DPYD: variants seen among roughly 807,000 people sequenced by gnomAD.
DPYD encodes dihydropyrimidine dehydrogenase, also known as dihydropyrimidine dehydrogenase [NADP(+)].
Under a neutral mutation model 116.2 loss-of-function variants are expected in DPYD, and 109 were observed. The observed-to-expected ratio is 0.94, with a 90% CI of 0.80 to 1.10. DPYD has a LOEUF of 1.10. Ranked by LOEUF, DPYD falls within the 50% of genes least tolerant of loss-of-function variation. The pLI is 0.00. For synonymous variants in DPYD, 440 were observed against 432.0 expected, an observed-to-expected ratio of 1.02 and a Z score of -0.23; for missense variants, 1,302 against 1,254.5, an observed-to-expected ratio of 1.04 and a Z score of -0.57.
At chr1:97,777,469 T>C (rs1169222360) in intron 3 of DPYD, among the ~76,000 whole-genome samples, 1 of 152,190 alleles carries the variant, frequency 6.6e-6, no homozygotes, top group Non-Finnish European at 1.5e-5. Flanking sequence ...TGGATAAAAG[T>C]GCCAGAAGGG....
intron 3 of DPYD, among the ~76,000 whole-genome samples, chr1:97,743,017 T>C (rs550258872): frequency 3.3e-5 from 5 of 152,104 alleles, no homozygotes; most frequent in Non-Finnish European, 5.9e-5. Context: ...TCAGCAGATA[T>C]AAGGGAACCA....
chr1:97,645,733 G>A (rs943376571), intron 8 of DPYD, among the ~76,000 whole-genome samples: 5 of 151,898 alleles, frequency 3.3e-5, no homozygotes, highest in African/African-American at 1.2e-4. Context: ...ATGGGTTACT[G>A]TTTGCATATA....
chr1:97,139,166 C>T (rs945258087), intron 20 of DPYD, among the ~76,000 whole-genome samples: 1 of 152,092 alleles, frequency 6.6e-6, no homozygotes, highest in Non-Finnish European at 1.5e-5. Context: ...TTCTACAATT[C>T]TGTTGATCCT....
chr1:97,883,140 T>A lies in DPYD; in HGVS notation c.150+124A>T. 4.7e-6 allele frequency: 3 copies of A among 640,552 alleles called. No individual in the cohort carries two copies. In the East Asian group the frequency reaches 8.6e-5, roughly 18 times the overall value. The allele number at this position is 640,552 out of a possible 1,614,324, so 39.7% of individuals were successfully genotyped here. On this transcript the variant is annotated intron_variant, in intron 2 of 22. Coordinates refer to ENST00000370192, the MANE Select transcript of DPYD (RefSeq NM_000110.4). The stretch of plus-strand genomic sequence containing the variant: ...CAAACTTTTTCAAATATTAAATATT[T>A]AAAATATTTTTAAAATCACGGCTGT...
chr1:97,167,314 T>C (rs940434819), intron 20 of DPYD, among the ~76,000 whole-genome samples: 1 of 152,154 alleles, frequency 6.6e-6, no homozygotes, highest in Non-Finnish European at 1.5e-5. Context: ...ATTTAAAAAT[T>C]AAAGCACATA....
At chr1:97,136,033 A>G (rs904469877) in intron 20 of DPYD, among the ~76,000 whole-genome samples, 1 of 152,176 alleles carries the variant, frequency 6.6e-6, no homozygotes, top group African/African-American at 2.4e-5. Context: ...AGGCCCGAGG[A>G]GTTACTATCA....
rs114934323 is a variant in DPYD, at chr1:97,672,449, C to T, written c.850+6646G>A. ...CCCTCATTTCCAAAATCTTGGGAGCCATTTTACAATTACACCGAAGTACTT... is the reference window on the plus strand; with the variant it reads ...CCCTCATTTCCAAAATCTTGGGAGCTATTTTACAATTACACCGAAGTACTT... On this transcript the variant is annotated intron_variant, in intron 8 of 22. Transcript: ENST00000370192. Among the ~76,000 whole-genome samples the T allele has an allele frequency of 7.9e-3, 1,198 of 152,082 alleles. 19 individuals carry two copies. Among genetic ancestry groups the T allele is most frequent in the African/African-American group, 0.028 (1,152 of 41,496 alleles).
intron 19 of DPYD, among the ~76,000 whole-genome samples, chr1:97,201,919 T>G (rs539542066): frequency 2.1e-4 from 32 of 152,018 alleles, no homozygotes; most frequent in South Asian, 1.9e-3. Flanking sequence ...TTTTTTTTTT[T>G]TTTCCCAAAG....
intron 2 of DPYD, among the ~76,000 whole-genome samples, chr1:97,861,833 G>A (rs2101593977): frequency 6.6e-6 from 1 of 152,064 alleles, no homozygotes; most frequent in East Asian, 1.9e-4. Flanking sequence ...ATGTTGCTGT[G>A]GAAGTATAAA....
At chr1:97,291,461 G>C (rs1279447883) in intron 18 of DPYD, among the ~76,000 whole-genome samples, 1 of 151,938 alleles carries the variant, frequency 6.6e-6, no homozygotes, top group African/African-American at 2.4e-5. Context: ...TGATAGACTG[G>C]ATTAAGAAAA....
intron 3 of DPYD, among the ~76,000 whole-genome samples, chr1:97,752,838 C>A (rs116551224): frequency 6.5e-4 from 99 of 152,276 alleles, no homozygotes; most frequent in Non-Finnish European, 1.2e-3. Flanking sequence ...AGTCTATCTT[C>A]TATTTCCTCC....
intron 18 of DPYD, among the ~76,000 whole-genome samples, chr1:97,244,743 T>A (rs1662597932): frequency 6.6e-6 from 1 of 152,002 alleles, no homozygotes; most frequent in Non-Finnish European, 1.5e-5. Context: ...AGTAGTAAAT[T>A]TTTCTTACTA....
At chr1:97,182,268 A>G (rs1657698656) in intron 20 of DPYD, among the ~76,000 whole-genome samples, 3 of 152,100 alleles carry the variant, frequency 2.0e-5, no homozygotes, top group African/African-American at 7.2e-5. Flanking sequence ...AGGATACTTG[A>G]CACTCCAGCA....
intron 16 of DPYD, among the ~76,000 whole-genome samples, chr1:97,333,626 T>G (rs184470219): frequency 7.4e-5 from 11 of 148,224 alleles, no homozygotes; most frequent in African/African-American, 2.5e-4. Context: ...GTTCAAGCCA[T>G]TCTCCTGCCT....
intron 20 of DPYD, among the ~76,000 whole-genome samples, chr1:97,138,545 T>C (rs1489454503): frequency 1.3e-5 from 2 of 152,180 alleles, no homozygotes; most frequent in Admixed American, 1.3e-4. Flanking sequence ...GCTTGCGAGC[T>C]GGTGAGCAGT....
chr1:97,551,978 T>C (rs2102094795), intron 11 of DPYD, among the ~76,000 whole-genome samples: 1 of 152,226 alleles, frequency 6.6e-6, no homozygotes, highest in Non-Finnish European at 1.5e-5. Context: ...GAAGGATATG[T>C]GTAGATTATA....
At chr1:97,801,725 T>C (rs1667855856) in intron 3 of DPYD, among the ~76,000 whole-genome samples, 1 of 151,820 alleles carries the variant, frequency 6.6e-6, no homozygotes, top group Non-Finnish European at 1.5e-5. Context: ...GCCCATTATT[T>C]TTCTCTCTCG....
At chr1:97,427,743 T>C (rs1674953214) in intron 14 of DPYD, among the ~76,000 whole-genome samples, 1 of 151,886 alleles carries the variant, frequency 6.6e-6, no homozygotes, top group African/African-American at 2.4e-5. Flanking sequence ...GTCTCAAACA[T>C]TTTTTCCAGA....
intron 13 of DPYD, among the ~76,000 whole-genome samples, chr1:97,501,047 C>G (rs1679544467): frequency 6.6e-6 from 1 of 152,044 alleles, no homozygotes; most frequent in Non-Finnish European, 1.5e-5. Context: ...TCAGTCTTTG[C>G]ACATTCCAAC....
Sources: allele counts gnomAD v4.1 joint callset (sites outside exome capture counted in the v4.1 genomes callset), GRCh38; gene constraint gnomAD v4.1.1; transcripts MANE v1.5; gene names NCBI Gene and HGNC (gene_info 2026-07-23, HGNC 2026-07-21).